The following GRIA4 variants were observed in gnomAD, a reference collection of about 807,000 sequenced individuals.
The protein encoded by GRIA4 is glutamate ionotropic receptor AMPA type subunit 4.
In GRIA4, 34 loss-of-function variants were observed where a neutral mutation model predicts 104.0. That is an observed-to-expected ratio of 0.33 (90% CI 0.25 to 0.44). The LOEUF (loss-of-function observed/expected upper bound fraction) is 0.44, where lower values mean the gene tolerates loss of function less well. GRIA4 is among the 20% of genes least tolerant of loss of function. GRIA4 has a pLI of 1.00. For missense variants in GRIA4, 750 were observed against 1,096.5 expected (o/e 0.68, Z 4.46); for synonymous variants, 386 against 381.9 (o/e 1.01, Z -0.13).
rs564928510 is a variant in GRIA4, at chr11:105,692,147, A to G, written c.248-60834A>G. Among the ~76,000 whole-genome samples the G allele has an allele frequency of 3.3e-5, 5 of 152,174 alleles. No individual in the cohort carries two copies. The East Asian group carries it at 9.7e-4, about 30-fold the overall frequency. On this transcript the variant is annotated intron_variant, in intron 3 of 16. Coordinates refer to ENST00000282499, the MANE Select transcript of GRIA4 (RefSeq NM_000829.4). ...GATGATAATGATGATGATGACAGTG[A>G]CGACAACAATGATGATAGATAGAAT...
rs772110241 is a variant in GRIA4 at position 105,612,397 on chromosome 11, C to T, written c.210C>T (p.Asn70=). 3 of 1,614,098 alleles carry T rather than the reference C, an allele frequency of 1.9e-6. No individual in the cohort carries two copies. Among genetic ancestry groups the T allele is most frequent in the Non-Finnish European group, 2.5e-6 (3 of 1,179,956 alleles). The stretch of plus-strand genomic sequence containing the variant: ...TTAATTTGGTACCTCATGTGGACAA[C>T]ATTGAGACAGCCAACAGTTTTGCTG... ...APFNLVPHVD[N]IETANSFAVT... Residue 70 remains asparagine (N), a synonymous_variant, in exon 3 of 17, where the codon AAC becomes AAT. Coordinates refer to ENST00000282499, the MANE Select transcript of GRIA4 (RefSeq NM_000829.4).
chr11:105,873,385 G>T (rs777454195), intron 5 of GRIA4, among the ~76,000 whole-genome samples: 1 of 152,054 alleles, frequency 6.6e-6, no homozygotes, highest in Non-Finnish European at 1.5e-5. Flanking sequence ...ATAAACATAC[G>T]TGTGCATGTG....
At chr11:105,615,096 G>T (rs1950568019) in intron 3 of GRIA4, among the ~76,000 whole-genome samples, 1 of 151,780 alleles carries the variant, frequency 6.6e-6, no homozygotes, top group African/African-American at 2.4e-5. Flanking sequence ...TTCTACAGTG[G>T]CTCCTTGTAA....
chr11:105,968,830 C>T (rs1233717583), intron 14 of GRIA4, among the ~76,000 whole-genome samples: 1 of 152,164 alleles, frequency 6.6e-6, no homozygotes, highest in East Asian at 1.9e-4. Flanking sequence ...AATGTATTCT[C>T]CACTTTGGTT....
In GRIA4 at chr11:105,979,781, G is replaced by A; in HGVS notation, c.*42G>A. On this transcript the variant is annotated 3_prime_UTR_variant, in exon 17 of 17. Coordinates refer to ENST00000282499, the MANE Select transcript of GRIA4 (RefSeq NM_000829.4). ...TGAGTGCCTTAATTAAACTGTTGGT[G>A]ACTGGTGGAAACGCAGCCCTGAGGG... 1 of 1,511,048 alleles carries A rather than the reference G, an allele frequency of 6.6e-7. No individual in the cohort carries two copies. Among genetic ancestry groups the A allele is most frequent in the Non-Finnish European group, 9.2e-7 (1 of 1,092,122 alleles). The allele number at this position is 1,511,048 out of a possible 1,614,324, so 93.6% of individuals were successfully genotyped here. A position where few individuals can be genotyped will look rare whatever the true frequency, so the allele number is the denominator to read the frequency against.
chr11:105,788,243 A>C (rs1350417464), intron 4 of GRIA4, among the ~76,000 whole-genome samples: 1 of 151,744 alleles, frequency 6.6e-6, no homozygotes, highest in Non-Finnish European at 1.5e-5. Flanking sequence ...ATCAAAAAAA[A>C]CAAAAGATGT....
intron 14 of GRIA4, among the ~76,000 whole-genome samples, chr11:105,944,696 A>ATGC (rs1948264350): frequency 6.6e-6 from 1 of 152,146 alleles, no homozygotes; most frequent in Non-Finnish European, 1.5e-5. Context: ...ATCTGGACAG[A>ATGC]TGCTGCTGCT....
rs956399176 is a variant in GRIA4 at position 105,667,315 on chromosome 11, A to G, written c.247+54881A>G. On this transcript the variant is annotated intron_variant, in intron 3 of 16. Coordinates refer to ENST00000282499, the MANE Select transcript of GRIA4 (RefSeq NM_000829.4). ...ATAAACACAGTAAGAGATGATAACTAAAAAAGTTACTGGATGCCTAGAAAT... is the reference window on the plus strand; with the variant it reads ...ATAAACACAGTAAGAGATGATAACTGAAAAAGTTACTGGATGCCTAGAAAT... 4.6e-5 allele frequency among the ~76,000 whole-genome samples: 7 copies of G among 152,098 alleles called. No individual in the cohort carries two copies. In the South Asian group the frequency reaches 1.4e-3, roughly 32 times the overall value.
intron 4 of GRIA4, among the ~76,000 whole-genome samples, chr11:105,793,068 A>T (rs1230617156): frequency 6.6e-6 from 1 of 152,194 alleles, no homozygotes; most frequent in African/African-American, 2.4e-5. Context: ...TTATGCCAGC[A>T]GGCTAATCTC....
chr11:105,897,781 C>G (rs144737309), intron 6 of GRIA4, among the ~76,000 whole-genome samples: 117 of 152,230 alleles, frequency 7.7e-4, no homozygotes, highest in African/African-American at 2.8e-3. Context: ...AGTGAGTTAT[C>G]TTTTTGATGT....
intron 14 of GRIA4, among the ~76,000 whole-genome samples, chr11:105,955,210 G>T (rs1565363789): frequency 6.6e-6 from 1 of 151,856 alleles, no homozygotes; most frequent in Non-Finnish European, 1.5e-5. Flanking sequence ...TGTTACAAAG[G>T]TATACAAGTG....
chr11:105,825,656 T>G (rs951098263), intron 4 of GRIA4, among the ~76,000 whole-genome samples: 5 of 151,988 alleles, frequency 3.3e-5, no homozygotes, highest in African/African-American at 1.2e-4. Flanking sequence ...TCCAAACCCC[T>G]TAGGGGTGCC....
At chr11:105,887,391 A>G (rs149775371) in intron 5 of GRIA4, 128 bp from the exon 6 acceptor site, 155 of 503,536 alleles carry the variant, frequency 3.1e-4, no homozygotes, top group African/African-American at 3.0e-3. Flanking sequence ...CGTGACTTTT[A>G]TTTTTTAAAA....
At chr11:105,897,807 G>A (rs1243094319) in intron 6 of GRIA4, among the ~76,000 whole-genome samples, 4 of 152,056 alleles carry the variant, frequency 2.6e-5, no homozygotes, top group African/African-American at 9.7e-5. Context: ...TGGATTTGGG[G>A]TGCTGGTATT....
chr11:105,678,754 G>A (rs1276611557), intron 3 of GRIA4, among the ~76,000 whole-genome samples: 1 of 152,050 alleles, frequency 6.6e-6, no homozygotes, highest in African/African-American at 2.4e-5. Flanking sequence ...CTCTGAATAA[G>A]TTATTCCAGG....
intron 9 of GRIA4, among the ~76,000 whole-genome samples, chr11:105,907,265 C>T (rs2136153931): frequency 6.6e-6 from 1 of 152,284 alleles, no homozygotes; most frequent in East Asian, 1.9e-4. Context: ...CCAGCTGACA[C>T]TCATCTAAGG....
intron 4 of GRIA4, among the ~76,000 whole-genome samples, chr11:105,839,734 AC>A (rs1944325650): frequency 6.6e-6 from 1 of 151,902 alleles, no homozygotes; most frequent in African/African-American, 2.4e-5. Context: ...AAAAAAAAGA[AC>A]CCCAAATTAC....
intron 3 of GRIA4, among the ~76,000 whole-genome samples, chr11:105,724,414 CAA>C (rs980464003): frequency 0.093 from 104 of 1,116 alleles, no homozygotes; most frequent in Middle Eastern, 0.38. Context: ...TATGTGCACA[CAA>C]ACACACACAC....
chr11:105,884,484 C>T (rs975755814), intron 5 of GRIA4, among the ~76,000 whole-genome samples: 5 of 152,212 alleles, frequency 3.3e-5, no homozygotes, highest in African/African-American at 4.8e-5. Context: ...GATTGTAAAT[C>T]GAATTTTTTC....
Sources: allele counts gnomAD v4.1 joint callset (sites outside exome capture counted in the v4.1 genomes callset), GRCh38; gene constraint gnomAD v4.1.1; transcripts MANE v1.5; gene names NCBI Gene and HGNC (gene_info 2026-07-23, HGNC 2026-07-21).